The following HIVEP2 variants were observed in gnomAD, a reference collection of about 807,000 sequenced individuals.
HIVEP2 encodes the protein transcription factor HIVEP2.
HIVEP2 carries 14 observed loss-of-function variants against 180.7 expected under a neutral mutation model. The ratio of observed to expected loss-of-function variants is 0.08; its 90% CI spans 0.05 to 0.12. The LOEUF (loss-of-function observed/expected upper bound fraction) is 0.12, where lower values mean the gene tolerates loss of function less well. HIVEP2 is among the 10% of genes least tolerant of loss of function. HIVEP2 has a pLI of 1.00. For missense variants in HIVEP2, 2,579 were observed against 3,008.5 expected, an observed-to-expected ratio of 0.86 and a Z score of 3.34; for synonymous variants, 1,184 against 1,136.4, an observed-to-expected ratio of 1.04 and a Z score of -0.84.
chr6:142,933,805 C>G (rs1272555640), intron 1 of HIVEP2, among the ~76,000 whole-genome samples: 1 of 152,162 alleles, frequency 6.6e-6, no homozygotes, highest in Non-Finnish European at 1.5e-5. Flanking sequence ...TATTCTCAGC[C>G]ACTTGACCCA....
intron 2 of HIVEP2, among the ~76,000 whole-genome samples, chr6:142,812,070 A>G (rs1776713012): frequency 6.6e-6 from 1 of 152,212 alleles, no homozygotes; most frequent in Non-Finnish European, 1.5e-5. Context: ...GGAAAGGGTG[A>G]CCTAGGCAGA....
intron 6 of HIVEP2, 105 bp downstream of exon 6, chr6:142,768,277 T>G: frequency 9.5e-7 from 1 of 1,049,106 alleles, no homozygotes; most frequent in Non-Finnish European, 1.4e-6. Flanking sequence ...GGAATTTACT[T>G]TCAGCTTTCA....
At position 142,771,868 on chromosome 6, in the gene HIVEP2, T is replaced by C. The variant is rs868818968; in HGVS notation, c.2871A>G (p.Glu957=). The change falls in exon 5 of 10, where the codon GAA becomes GAG. Residue 957 remains glutamate (E), a synonymous_variant. Coordinates refer to ENST00000367603, the MANE Select transcript of HIVEP2 (RefSeq NM_006734.4). This position sits in a 1 kb window ranked among gnomAD's most constrained non-coding sequence, Gnocchi z 5.4. ...MEHSSGESSF[E]STGTGLSRSP... ...TGCGGGAGAGGCCTGTGCCTGTGGATTCAAAGCTGGACTCCCCTGAGGAGT... is the reference window on the plus strand; with the variant it reads ...TGCGGGAGAGGCCTGTGCCTGTGGACTCAAAGCTGGACTCCCCTGAGGAGT... 5.6e-6 allele frequency: 9 copies of C among 1,614,176 alleles called. No individual in the cohort carries two copies. The Middle Eastern group carries it at 1.5e-3, about 266-fold the overall frequency.
intron 2 of HIVEP2, among the ~76,000 whole-genome samples, chr6:142,807,076 T>G (rs746394801): frequency 1.3e-5 from 2 of 152,094 alleles, no homozygotes; most frequent in Non-Finnish European, 2.9e-5. Flanking sequence ...AGGACTGAGT[T>G]AGAAGGATTT....
At chr6:142,777,682 A>C (rs1160716318) in intron 3 of HIVEP2, among the ~76,000 whole-genome samples, 1 of 133,470 alleles carries the variant, frequency 7.5e-6, no homozygotes, top group Non-Finnish European at 1.6e-5. Flanking sequence ...AAAAAAAAAA[A>C]AAAAAAGTGG....
intron 1 of HIVEP2, among the ~76,000 whole-genome samples, chr6:142,898,656 C>T (rs1777058902): frequency 6.6e-6 from 1 of 152,050 alleles, no homozygotes; most frequent in Admixed American, 6.6e-5. Flanking sequence ...AACTCCATCT[C>T]AATAAATAAA....
At chr6:142,858,930 C>A (rs1775898324) in intron 1 of HIVEP2, among the ~76,000 whole-genome samples, 2 of 152,090 alleles carry the variant, frequency 1.3e-5, no homozygotes, top group South Asian at 4.1e-4. Flanking sequence ...TCTCTGGAAA[C>A]CCTCATTTAC....
At position 142,769,490 on chromosome 6, in the gene HIVEP2, A is replaced by G. The variant is rs139579352; in HGVS notation, c.5187+62T>C. The G allele has an allele frequency of 2.0e-4, 284 of 1,408,818 alleles. No individual in the cohort carries two copies. In the Admixed American group the frequency reaches 5.0e-3, roughly 25 times the overall value. 87.3% of individuals were successfully genotyped at this position (1,408,818 alleles called of 1,614,324 possible). On this transcript the variant is annotated intron_variant, in intron 5 of 9. Coordinates refer to ENST00000367603, the MANE Select transcript of HIVEP2 (RefSeq NM_006734.4). The stretch of plus-strand genomic sequence containing the variant: ...TTTTTTAGGCCTTATATCCTTCACT[A>G]TGTAGTCTGCTCAGCAATCAAATCC...
In HIVEP2 at chr6:142,753,846, A is replaced by G; in HGVS notation, c.6602T>C (p.Leu2201Pro). 1 of 1,613,760 alleles carries G rather than the reference A, an allele frequency of 6.2e-7. No individual in the cohort carries two copies. Among genetic ancestry groups the G allele is most frequent in the Non-Finnish European group, 8.5e-7 (1 of 1,179,660 alleles). ...EGAYEHPGSS[L>P]FPEGPNDYVF... ...ATAGTCATTAGGACCCTCAGGGAAA[A>G]GGCTGGAGCCTGGATGTTCATAAGC... The change falls in exon 10 of 10, where the codon CTT (leucine) becomes CCT (proline). Residue 2201 changes from leucine (L) to proline (P), a missense_variant. Physicochemically the swap from Leu to Pro is moderately conservative, Grantham distance 98. Around this residue, in one of 11 missense-constraint regions of HIVEP2, gnomAD observed 660 missense variants for 731.7 expected, o/e 0.90. Coordinates refer to ENST00000367603, the MANE Select transcript of HIVEP2 (RefSeq NM_006734.4).
At chr6:142,804,831 C>T (rs1440608225) in intron 2 of HIVEP2, among the ~76,000 whole-genome samples, 2 of 151,972 alleles carry the variant, frequency 1.3e-5, no homozygotes, top group Admixed American at 6.6e-5. Flanking sequence ...TAAGGCCATT[C>T]CACCTCACCT....
chr6:142,815,293 T>C (rs548546405), intron 2 of HIVEP2, among the ~76,000 whole-genome samples: 10 of 152,150 alleles, frequency 6.6e-5, no homozygotes, highest in East Asian at 5.8e-4. Context: ...ATAAGGCTGA[T>C]TGGGGGACAG....
intron 1 of HIVEP2, among the ~76,000 whole-genome samples, chr6:142,936,185 TTCTCTC>T (rs771285452): frequency 6.6e-6 from 1 of 151,142 alleles, no homozygotes; most frequent in African/African-American, 2.4e-5. Context: ...CAGCACTTAA[TTCTCTC>T]TCTCTCTCTC....
chr6:142,905,553 T>G (rs898259138), intron 1 of HIVEP2, among the ~76,000 whole-genome samples: 3 of 152,260 alleles, frequency 2.0e-5, no homozygotes, highest in African/African-American at 7.2e-5. Context: ...TTCAAGTGTT[T>G]AATAAATATA....
chr6:142,802,004 T>G (rs1269460296), intron 2 of HIVEP2, among the ~76,000 whole-genome samples: 3 of 152,186 alleles, frequency 2.0e-5, no homozygotes, highest in Non-Finnish European at 4.4e-5. Flanking sequence ...GACTGGAGTA[T>G]GAGGCCCCAG....
chr6:142,757,168 C>T (rs951214807), intron 9 of HIVEP2, among the ~76,000 whole-genome samples: 2 of 152,128 alleles, frequency 1.3e-5, no homozygotes, highest in Admixed American at 6.5e-5. Flanking sequence ...CTTCACACCA[C>T]AGTCAGTGTC....
chr6:142,879,401 T>C lies in HIVEP2; in HGVS notation c.-640-42354A>G, dbSNP rs1306367255. ...GAGGAAGAACATGGATGTTGAATGTTGAGCACAGCGTCAATAATAAATTAG... is the reference window on the plus strand; with the variant it reads ...GAGGAAGAACATGGATGTTGAATGTCGAGCACAGCGTCAATAATAAATTAG... On this transcript the variant is annotated intron_variant, in intron 1 of 9. Coordinates refer to ENST00000367603, the MANE Select transcript of HIVEP2 (RefSeq NM_006734.4). Among the ~76,000 whole-genome samples the C allele has an allele frequency of 2.0e-5, 3 of 152,166 alleles. No homozygotes were observed. The East Asian group carries it at 5.8e-4, about 29-fold the overall frequency.
Position 142,761,460 on chromosome 6 carries a change from A to T in HIVEP2, c.5620+4T>A. ...GTCTGTCAACTCATTTATGACATAC[A>T]CACCTGCTTCCTCAGTTTCTGTATC... On this transcript the variant is annotated splice_donor_region_variant and intron_variant, in intron 8 of 9. Transcript: ENST00000367603. 1.3e-6 allele frequency: 2 copies of T among 1,507,602 alleles called. No homozygotes were observed. The highest frequency in any genetic ancestry group is 9.2e-7 in the Non-Finnish European group (1 of 1,082,854). 93.4% of individuals were successfully genotyped at this position (1,507,602 alleles called of 1,614,324 possible).
chr6:142,799,343 G>T (rs1487404680), intron 2 of HIVEP2, among the ~76,000 whole-genome samples: 1 of 152,082 alleles, frequency 6.6e-6, no homozygotes, highest in Non-Finnish European at 1.5e-5. Flanking sequence ...CTCGTCCTAA[G>T]TGCAGCCCGG....
At chr6:142,844,500 C>G (rs1775455651) in intron 1 of HIVEP2, among the ~76,000 whole-genome samples, 1 of 152,138 alleles carries the variant, frequency 6.6e-6, no homozygotes, top group Non-Finnish European at 1.5e-5. Context: ...GGAAGACTTA[C>G]AAATCTTATG....
Sources: allele counts gnomAD v4.1 joint callset (sites outside exome capture counted in the v4.1 genomes callset), GRCh38; gene constraint gnomAD v4.1.1; regional missense constraint gnomAD v4.1.1; non-coding constraint Gnocchi (gnomAD v3.1); transcripts MANE v1.5; gene names NCBI Gene and HGNC (gene_info 2026-07-23, HGNC 2026-07-21).